The following MACROD2 variants were observed in gnomAD, a reference collection of about 807,000 sequenced individuals.
MACROD2 encodes the protein mono-ADP ribosylhydrolase 2.
Under a neutral mutation model 70.4 loss-of-function variants are expected in MACROD2, and 36 were observed. That is an observed-to-expected ratio of 0.51 (90% CI 0.39 to 0.68). MACROD2 has a LOEUF of 0.68. Among genes scored for constraint, MACROD2 ranks in the 30% least tolerant of loss-of-function variants. The probability of loss-of-function intolerance (pLI) is 0.00; values close to 1 mark genes in which losing one functional copy is unlikely to be tolerated. For missense variants in MACROD2, 496 were observed against 538.4 expected (o/e 0.92, Z 0.78); for synonymous variants, 172 against 178.8 (o/e 0.96, Z 0.30).
chr20:15,775,259 C>A (rs1429331549), intron 8 of MACROD2, among the ~76,000 whole-genome samples: 1 of 152,142 alleles, frequency 6.6e-6, no homozygotes, highest in African/African-American at 2.4e-5. Context: ...CAAGCATGAT[C>A]TGAGGGTGGC....
At chr20:15,889,385 G>A (rs1395102201) in intron 10 of MACROD2, among the ~76,000 whole-genome samples, 1 of 152,184 alleles carries the variant, frequency 6.6e-6, no homozygotes, top group East Asian at 1.9e-4. Context: ...GGCAGGAACT[G>A]TTATTATTGA....
At chr20:15,287,769 C>A (rs564572483) in intron 6 of MACROD2, among the ~76,000 whole-genome samples, 1 of 152,302 alleles carries the variant, frequency 6.6e-6, no homozygotes, top group African/African-American at 2.4e-5. Context: ...AGAGTATGCA[C>A]TGTTATTAAT....
chr20:15,876,925 G>T (rs1440261410), intron 9 of MACROD2, among the ~76,000 whole-genome samples: 1 of 151,922 alleles, frequency 6.6e-6, no homozygotes, highest in Non-Finnish European at 1.5e-5. Context: ...AGTGTTGTCT[G>T]TCTCCCTCAC....
intron 5 of MACROD2, among the ~76,000 whole-genome samples, chr20:14,999,950 T>C (rs529796437): frequency 1.6e-4 from 24 of 152,310 alleles, no homozygotes; most frequent in African/African-American, 5.5e-4. Context: ...AATTTAAAGA[T>C]ATAAAAGCAA....
At chr20:14,379,363 G>C (rs992786760) in intron 3 of MACROD2, among the ~76,000 whole-genome samples, 1 of 152,102 alleles carries the variant, frequency 6.6e-6, no homozygotes, top group Admixed American at 6.6e-5. Context: ...CTTTATTGAG[G>C]TGTAATTTAC....
At chr20:14,601,966 T>C (rs1407535455) in intron 4 of MACROD2, among the ~76,000 whole-genome samples, 1 of 152,186 alleles carries the variant, frequency 6.6e-6, no homozygotes, top group Non-Finnish European at 1.5e-5. Context: ...ATATAAACTA[T>C]TTATTTGCAC....
intron 8 of MACROD2, among the ~76,000 whole-genome samples, chr20:15,825,487 GT>G (rs57572852): frequency 6.7e-6 from 1 of 149,618 alleles, no homozygotes; most frequent in African/African-American, 2.5e-5. Flanking sequence ...TGATAAAATG[GT>G]TTTTTTTTGT....
intron 3 of MACROD2, among the ~76,000 whole-genome samples, chr20:14,300,382 C>T (rs1248112110): frequency 6.6e-6 from 1 of 152,170 alleles, no homozygotes; most frequent in Non-Finnish European, 1.5e-5. Context: ...GACTCCAAAG[C>T]CCATGCTCTT....
chr20:14,855,357 A>T (rs1338210998), intron 5 of MACROD2, among the ~76,000 whole-genome samples: 4 of 152,166 alleles, frequency 2.6e-5, no homozygotes, highest in Non-Finnish European at 4.4e-5. Context: ...ATATGACCAT[A>T]TGAACACATT....
At chr20:15,407,825 A>C (rs2046024569) in intron 6 of MACROD2, among the ~76,000 whole-genome samples, 1 of 152,238 alleles carries the variant, frequency 6.6e-6, no homozygotes, top group African/African-American at 2.4e-5. Flanking sequence ...AGAATCACAG[A>C]ACATCAGACT....
intron 5 of MACROD2, among the ~76,000 whole-genome samples, chr20:15,166,061 T>C (rs781016806): frequency 6.6e-6 from 1 of 152,176 alleles, no homozygotes; most frequent in Non-Finnish European, 1.5e-5. Flanking sequence ...CAAAGCAGAA[T>C]AGTGGTTTCT....
chr20:15,156,084 G>A (rs808924), intron 5 of MACROD2, among the ~76,000 whole-genome samples: 89,636 of 151,956 alleles, frequency 0.59, 26,566 homozygotes, highest in East Asian at 0.65. Flanking sequence ...GGTGCAATAA[G>A]GTCCAAGTTG....
At chr20:14,859,536 A>G (rs2073292492) in intron 5 of MACROD2, among the ~76,000 whole-genome samples, 1 of 152,164 alleles carries the variant, frequency 6.6e-6, no homozygotes, top group South Asian at 2.1e-4. Flanking sequence ...CAATATTCCA[A>G]AAGATAAACA....
chr20:14,501,182 T>C (rs1294984022), intron 4 of MACROD2, among the ~76,000 whole-genome samples: 1 of 152,122 alleles, frequency 6.6e-6, no homozygotes, highest in Admixed American at 6.5e-5. Context: ...CATAATTTTC[T>C]TTAAATATAT....
At chr20:15,485,797 C>A (rs1600481329) in intron 7 of MACROD2, among the ~76,000 whole-genome samples, 1 of 152,132 alleles carries the variant, frequency 6.6e-6, no homozygotes, top group Admixed American at 6.6e-5. Context: ...CTTCCAATTA[C>A]ATTTCTCTAG....
At chr20:14,631,990 A>G (rs1984540172) in intron 4 of MACROD2, 1 of 152,110 alleles carries the variant, frequency 6.6e-6, no homozygotes, top group Non-Finnish European at 1.5e-5. Context: ...TAAGTGTGGT[A>G]TTCATTTTGT....
chr20:14,688,961 A>G (rs2071032876), intron 5 of MACROD2, among the ~76,000 whole-genome samples: 1 of 152,244 alleles, frequency 6.6e-6, no homozygotes, highest in Admixed American at 6.5e-5. Flanking sequence ...ATTATTCTGC[A>G]CATTTCTAGT....
chr20:15,136,364 A>C (rs2123291847), intron 5 of MACROD2, among the ~76,000 whole-genome samples: 1 of 152,032 alleles, frequency 6.6e-6, no homozygotes, highest in Admixed American at 6.5e-5. Flanking sequence ...CAAAACAGAC[A>C]TATAGATCAG....
At chr20:15,950,523 A>C (rs2065889332) in intron 12 of MACROD2, among the ~76,000 whole-genome samples, 1 of 152,182 alleles carries the variant, frequency 6.6e-6, no homozygotes, top group Non-Finnish European at 1.5e-5. Flanking sequence ...AAAGACAAAA[A>C]CAAAAACTAA....
Sources: allele counts gnomAD v4.1 joint callset (sites outside exome capture counted in the v4.1 genomes callset), GRCh38; gene constraint gnomAD v4.1.1; transcripts MANE v1.5; gene names NCBI Gene and HGNC (gene_info 2026-07-23, HGNC 2026-07-21).